Variants in AMOTL1 observed in about 807,000 individuals in gnomAD.
The protein encoded by AMOTL1 is angiomotin like 1.
Under a neutral mutation model 102.9 loss-of-function variants are expected in AMOTL1, and 45 were observed. That is an observed-to-expected ratio of 0.44 (90% CI 0.34 to 0.56). The LOEUF (loss-of-function observed/expected upper bound fraction) is 0.56, where lower values mean the gene tolerates loss of function less well. Among genes scored for constraint, AMOTL1 ranks in the 20% least tolerant of loss-of-function variants. AMOTL1 has a pLI of 0.01. For missense variants in AMOTL1, 1,114 were observed against 1,225.6 expected, an observed-to-expected ratio of 0.91 and a Z score of 1.36; for synonymous variants, 481 against 484.7, an observed-to-expected ratio of 0.99 and a Z score of 0.10.
At chr11:94,822,938 G>C (rs186072441) in intron 4 of AMOTL1, among the ~76,000 whole-genome samples, 362 of 152,324 alleles carry the variant, frequency 2.4e-3, no homozygotes, top group African/African-American at 7.9e-3. Flanking sequence ...CTAAGAGTAA[G>C]TGCGGGCTCT....
chr11:94,707,232 C>G (rs1565320593), intron 1 of AMOTL1, among the ~76,000 whole-genome samples: 2 of 121,412 alleles, frequency 1.6e-5, no homozygotes, highest in South Asian at 2.8e-4. Context: ...CTCTCTCTCT[C>G]TCTCTCTCTC....
In AMOTL1 at chr11:94,770,806, G is replaced by T. The variant is rs1950937957; in HGVS notation, c.49+2246G>T. The stretch of plus-strand genomic sequence containing the variant: ...AAGAAAAACACATGAATGCAGAAAT[G>T]TGAGTGATTTTATGGGAAAGCACTC... On this transcript the variant is annotated intron_variant, in intron 1 of 12. Transcript: ENST00000433060. Among the ~76,000 whole-genome samples, 3 of 152,354 alleles carry T rather than the reference G, an allele frequency of 2.0e-5. No individual in the cohort carries two copies. The South Asian group carries it at 6.2e-4, about 32-fold the overall frequency.
chr11:94,734,198 A>G (rs1411226581), intron 2 of AMOTL1, among the ~76,000 whole-genome samples: 1 of 152,246 alleles, frequency 6.6e-6, no homozygotes, highest in African/African-American at 2.4e-5. Context: ...AGGCAGATCC[A>G]TACAACATCT....
At chr11:94,735,461 T>C (rs1174362676) in intron 2 of AMOTL1, among the ~76,000 whole-genome samples, 1 of 152,238 alleles carries the variant, frequency 6.6e-6, no homozygotes, top group Non-Finnish European at 1.5e-5. Flanking sequence ...TGAAGCGTTA[T>C]GTGTTACCCT....
intron 3 of AMOTL1, among the ~76,000 whole-genome samples, chr11:94,801,884 G>A (rs1951484633): frequency 6.6e-6 from 1 of 152,168 alleles, no homozygotes. Context: ...ATTATTGGAT[G>A]TGTCATTTTC....
upstream of AMOTL1, among the ~76,000 whole-genome samples, chr11:94,768,039 C>A (rs914631169): frequency 2.2e-4 from 33 of 152,270 alleles, no homozygotes; most frequent in Middle Eastern, 3.4e-3. Flanking sequence ...GAATTTTGGC[C>A]GGCATTGGGC....
At chr11:94,777,756 A>G (rs1436668916) in intron 1 of AMOTL1, among the ~76,000 whole-genome samples, 1 of 152,224 alleles carries the variant, frequency 6.6e-6, no homozygotes, top group East Asian at 1.9e-4. Flanking sequence ...ATTAGGGAGC[A>G]TGACATTTCT....
intron 1 of AMOTL1, among the ~76,000 whole-genome samples, chr11:94,773,854 TG>T (rs1313470289): frequency 1.3e-5 from 2 of 152,152 alleles, no homozygotes; most frequent in African/African-American, 4.8e-5. Context: ...TGAATGAAGT[TG>T]AATAGATTAA....
At chr11:94,843,912 T>A (rs976944519) in intron 6 of AMOTL1, among the ~76,000 whole-genome samples, 4 of 152,238 alleles carry the variant, frequency 2.6e-5, no homozygotes, top group African/African-American at 9.6e-5. Context: ...ATTCTCTGAG[T>A]GAACCTCCAG....
chr11:94,738,570 C>T (rs1033333034), intron 2 of AMOTL1, among the ~76,000 whole-genome samples: 3 of 152,248 alleles, frequency 2.0e-5, no homozygotes, highest in Middle Eastern at 3.4e-3. Flanking sequence ...TTTTGTGCTT[C>T]TTCAATCATG....
rs1255843459 is a variant in AMOTL1, at chr11:94,869,414, C to T, written c.2705C>T (p.Thr902Ile). 1.2e-6 allele frequency: 2 copies of T among 1,605,044 alleles called. No homozygotes were observed. The highest frequency in any genetic ancestry group is 1.7e-6 in the Non-Finnish European group (2 of 1,176,224). Residue 902 changes from threonine (T) to isoleucine (I), a missense_variant, in exon 12 of 13, where the codon ACC becomes ATC. Thr to Ile is a moderately conservative substitution (Grantham distance 89, BLOSUM62 -1). Transcript: ENST00000433060. ...SLPSRGRLST[T>I]PAHSPVLKHP... is the part of the protein sequence containing the mutation. ...CCCAGCCGCGGCCGGCTGAGCACGA[C>T]CCCTGCTCACAGCCCCGTCCTGAAA...
chr11:94,792,991 G>T (rs1247409499), intron 1 of AMOTL1, among the ~76,000 whole-genome samples: 1 of 152,012 alleles, frequency 6.6e-6, no homozygotes, highest in Non-Finnish European at 1.5e-5. Flanking sequence ...ATGGCTTAGT[G>T]CTGGGATCCA....
At position 94,804,234 on chromosome 11, in the gene AMOTL1, CCAA is replaced by C. The variant is rs1263210614; in HGVS notation, c.1121+3925_1121+3927del. On this transcript the variant is annotated intron_variant, in intron 3 of 12. Transcript: ENST00000433060. ...CGGTGCCTGTTTTACTGCACTTTGA[CCAA>C]CGTTAGTTATTACATCATTATAATT... 5.9e-5 allele frequency among the ~76,000 whole-genome samples: 9 copies of C among 152,304 alleles called. No homozygotes were observed. The East Asian group carries it at 1.7e-3, about 29-fold the overall frequency.
intron 9 of AMOTL1, among the ~76,000 whole-genome samples, chr11:94,863,936 G>A (rs1952825041): frequency 1.3e-5 from 2 of 152,178 alleles, no homozygotes; most frequent in Non-Finnish European, 2.9e-5. Context: ...CAAGGACAGT[G>A]TCTGCCTTCT....
Position 94,799,998 on chromosome 11 carries a change from C to T in AMOTL1, c.808C>T (p.Leu270=), listed in dbSNP as rs768643823. The change falls in exon 3 of 13, where the codon CTG becomes TTG. Residue 270 remains leucine, a synonymous_variant. Coordinates refer to ENST00000433060, the MANE Select transcript of AMOTL1 (RefSeq NM_130847.3). The surrounding 1 kb of genome is among the most constrained non-coding windows in gnomAD (Gnocchi z 4.5). ...CAGCGAGAGAATCATGCAGCTGTCC[C>T]TGGAGAGGAATGGGGCCAAGCAACA... is the stretch of plus-strand genomic sequence containing the variant. The part of the protein sequence containing the change: ...SLSERIMQLS[L]ERNGAKQHLP... 2 of 1,614,028 alleles carry T rather than the reference C, an allele frequency of 1.2e-6. No individual in the cohort carries two copies. Among genetic ancestry groups the T allele is most frequent in the Non-Finnish European group, 1.7e-6 (2 of 1,179,904 alleles).
At chr11:94,772,590 T>C (rs1393564890) in intron 1 of AMOTL1, among the ~76,000 whole-genome samples, 3 of 152,232 alleles carry the variant, frequency 2.0e-5, no homozygotes, top group African/African-American at 7.2e-5. Flanking sequence ...TTCCATAATA[T>C]GGATGTACTA....
chr11:94,853,926 C>T lies in AMOTL1; in HGVS notation c.1795-7C>T. 6 of 1,606,638 alleles carry T rather than the reference C, an allele frequency of 3.7e-6. No individual in the cohort carries two copies. Among genetic ancestry groups the T allele is most frequent in the Non-Finnish European group, 5.1e-6 (6 of 1,176,386 alleles). On this transcript the variant is annotated splice_region_variant and splice_polypyrimidine_tract_variant and intron_variant, in intron 7 of 12. Transcript: ENST00000433060. ...TTCTGTGCTCTTTTTTACTCTTCTC[C>T]ACTCAGTTACGAGAGAAGCAAGCAT...
chr11:94,710,474 C>G lies in AMOTL1; in HGVS notation c.-51+3877C>G, dbSNP rs559534738. 1.6e-4 allele frequency among the ~76,000 whole-genome samples: 25 copies of G among 152,254 alleles called. 1 individual carries two copies. The highest frequency in any genetic ancestry group is 3.4e-4 in the Non-Finnish European group (23 of 68,016). On this transcript the variant is annotated intron_variant, in intron 1 of 4. Transcript: ENST00000299004. Reference sequence around the variant, plus strand: ...GATAGTAATGCCATCTCACAAGGTTCGTGTGGCGATTATATTTGTAGATGA... The same window carrying G: ...GATAGTAATGCCATCTCACAAGGTTGGTGTGGCGATTATATTTGTAGATGA...
chr11:94,848,401 G>T (rs1952464043), intron 6 of AMOTL1, among the ~76,000 whole-genome samples: 2 of 152,172 alleles, frequency 1.3e-5, no homozygotes, highest in Admixed American at 1.3e-4. Flanking sequence ...GATCTTGGTG[G>T]CCTCATCTTG....
Sources: gnomAD v4.1 joint callset for allele counts (sites outside exome capture counted in the v4.1 genomes callset) on GRCh38, gnomAD v4.1.1 for gene constraint, Gnocchi (gnomAD v3.1) non-coding constraint, MANE v1.5 for transcripts, NCBI Gene and HGNC (gene_info 2026-07-23, HGNC 2026-07-21) for gene names.